The following DMD variants were observed in gnomAD, a reference collection of about 807,000 sequenced individuals.
The protein encoded by DMD is mutant dystrophin.
Under a neutral mutation model 330.1 loss-of-function variants are expected in DMD, and 63 were observed. The ratio of observed to expected loss-of-function variants is 0.19; its 90% CI spans 0.16 to 0.24. The LOEUF is 0.24. Among genes scored for constraint, DMD ranks in the 10% least tolerant of loss-of-function variants. The pLI, the probability that DMD is intolerant of heterozygous loss-of-function variation, is 1.00. For synonymous variants in DMD, 1,223 were observed against 959.8 expected (o/e 1.27, Z -5.07); for missense variants, 3,344 against 2,684.1 (o/e 1.25, Z -5.43).
chrX:32,529,146 C>T (rs1438077477), intron 17 of DMD, among the ~76,000 whole-genome samples: 2 of 106,050 alleles, frequency 1.9e-5, no homozygotes, highest in African/African-American at 3.4e-5. Flanking sequence ...AGGATGGTCT[C>T]GATCTCCTGA....
At chrX:32,253,022 G>A (rs1235150378) in intron 43 of DMD, among the ~76,000 whole-genome samples, 2 of 96,862 alleles carry the variant, frequency 2.1e-5, no homozygotes, top group Non-Finnish European at 4.0e-5. Context: ...AAACTTTCCC[G>A]ATCGATTAAG....
chrX:31,962,809 G>T (rs761353491), intron 45 of DMD, among the ~76,000 whole-genome samples: 1 of 111,209 alleles, frequency 9.0e-6, no homozygotes, highest in African/African-American at 3.3e-5. Context: ...CTGGCAATGA[G>T]AAAAAAAGGA....
chrX:32,491,593 C>A, intron 19 of DMD, 75 bp from the exon 20 acceptor site: 1 of 1,006,358 alleles, frequency 9.9e-7, no homozygotes, highest in Non-Finnish European at 1.4e-6. Context: ...GCCAACACAT[C>A]CTAATTATAA....
chrX:33,104,920 A>G (rs2095272866), intron 1 of DMD, among the ~76,000 whole-genome samples: 2 of 112,321 alleles, frequency 1.8e-5, no homozygotes, highest in Non-Finnish European at 3.8e-5. Flanking sequence ...TCTCCTTGTA[A>G]TTATCAGAGC....
intron 42 of DMD, among the ~76,000 whole-genome samples, chrX:32,308,399 T>C (rs2097548641): frequency 9.0e-6 from 1 of 110,792 alleles, no homozygotes; most frequent in Non-Finnish European, 1.9e-5. Flanking sequence ...TTTTCCATTT[T>C]TACTACTGGA....
chrX:31,775,865 C>G (rs1336235386), intron 50 of DMD, among the ~76,000 whole-genome samples: 1 of 104,466 alleles, frequency 9.6e-6, no homozygotes, highest in Non-Finnish European at 2.0e-5. Context: ...AATGAAGGAA[C>G]TAATTTTGAT....
chrX:32,714,703 G>A (rs1340367114), intron 7 of DMD, among the ~76,000 whole-genome samples: 2 of 111,595 alleles, frequency 1.8e-5, no homozygotes, highest in African/African-American at 6.5e-5. Flanking sequence ...CTTTCCTCAT[G>A]TCTTTATTTA....
At chrX:32,598,620 TAAGA>T (rs1406768386) in intron 12 of DMD, among the ~76,000 whole-genome samples, 1 of 112,154 alleles carries the variant, frequency 8.9e-6, no homozygotes, top group East Asian at 2.8e-4. Flanking sequence ...TTAAGAAGTG[TAAGA>T]AAAACATTGG....
chrX:31,766,173 C>T (rs73459899), intron 51 of DMD, among the ~76,000 whole-genome samples: 13,454 of 111,136 alleles, frequency 0.12, 594 homozygotes, highest in East Asian at 0.18. Context: ...CCAGATTCTA[C>T]GTATTTCTAT....
At chrX:32,550,545 G>T (rs938855097) in intron 16 of DMD, among the ~76,000 whole-genome samples, 2 of 110,785 alleles carry the variant, frequency 1.8e-5, no homozygotes, top group Non-Finnish European at 3.8e-5. Context: ...AAGTTAGAAG[G>T]ATCTCTAATT....
Position 32,570,514 on chromosome X carries a change from A to G in DMD, c.1812+3016T>C, listed in dbSNP as rs1379353848. Reference sequence around the variant, plus strand: ...GAGGCTAGCCAAGATTTCTGCTCACAAAAATGTTAACATAGAGGCACATTA... The same window carrying G: ...GAGGCTAGCCAAGATTTCTGCTCACGAAAATGTTAACATAGAGGCACATTA... On this transcript the variant is annotated intron_variant, in intron 15 of 78. Transcript: ENST00000357033. Among the ~76,000 whole-genome samples the G allele has an allele frequency of 3.6e-5, 4 of 112,207 alleles. No homozygotes were observed. In the East Asian group the frequency reaches 1.1e-3, roughly 31 times the overall value.
chrX:31,392,469 C>T (rs1321831798), intron 60 of DMD, among the ~76,000 whole-genome samples: 1 of 112,232 alleles, frequency 8.9e-6, no homozygotes, highest in Non-Finnish European at 1.9e-5. Context: ...CCTGCTGTGA[C>T]AACAATATAG....
chrX:33,000,340 C>T (rs1235888862), intron 2 of DMD, among the ~76,000 whole-genome samples: 2 of 112,018 alleles, frequency 1.8e-5, no homozygotes, highest in East Asian at 2.8e-4. Flanking sequence ...TTTATATCAA[C>T]TATATGTAAT....
At chrX:31,492,338 C>T (rs16989672) in intron 57 of DMD, among the ~76,000 whole-genome samples, 5,490 of 111,813 alleles carry the variant, frequency 0.049, 156 homozygotes, top group African/African-American at 0.098. Flanking sequence ...TTCCATTGTT[C>T]TTTTGCCCAT....
intron 30 of DMD, among the ~76,000 whole-genome samples, chrX:32,401,756 G>A (rs2098087483): frequency 1.8e-5 from 2 of 112,603 alleles, no homozygotes. Context: ...TGCTTAAGGT[G>A]ATAGACACCC....
At chrX:31,874,402 A>G (rs960239226) in intron 48 of DMD, among the ~76,000 whole-genome samples, 4 of 111,031 alleles carry the variant, frequency 3.6e-5, no homozygotes, top group Non-Finnish European at 7.5e-5. Flanking sequence ...GAGCCCAGAC[A>G]TTATATTTTA....
intron 44 of DMD, among the ~76,000 whole-genome samples, chrX:32,085,415 T>C (rs1475725842): frequency 3.7e-5 from 4 of 109,201 alleles, no homozygotes; most frequent in Admixed American, 3.0e-4. Context: ...ATTGTAGCCA[T>C]TAATTTATCA....
chrX:33,008,788 A>G (rs967708966), intron 2 of DMD, among the ~76,000 whole-genome samples: 4 of 66,678 alleles, frequency 6.0e-5, no homozygotes, highest in African/African-American at 2.4e-4. Flanking sequence ...AAACAACTAT[A>G]TATACGTATA....
intron 51 of DMD, among the ~76,000 whole-genome samples, chrX:31,756,717 T>C (rs938957586): frequency 4.4e-5 from 5 of 112,668 alleles, no homozygotes; most frequent in African/African-American, 9.6e-5. Flanking sequence ...ATGGTAAGCA[T>C]CATGAATTTT....
Sources: allele counts gnomAD v4.1 joint callset (sites outside exome capture counted in the v4.1 genomes callset), GRCh38; gene constraint gnomAD v4.1.1; transcripts MANE v1.5; gene names NCBI Gene and HGNC (gene_info 2026-07-23, HGNC 2026-07-21).